Variants in INTS14 observed in about 807,000 individuals in gnomAD.
INTS14 encodes integrator complex subunit 14.
A neutral mutation model predicts 56.9 loss-of-function variants in INTS14; 27 were observed. The ratio of observed to expected loss-of-function variants is 0.47; its 90% CI spans 0.35 to 0.65. INTS14 has a LOEUF of 0.65. INTS14 is among the 30% of genes least tolerant of loss of function. The pLI, the probability that INTS14 is intolerant of heterozygous loss-of-function variation, is 0.00. For missense variants in INTS14, 517 were observed against 632.2 expected, an observed-to-expected ratio of 0.82 and a Z score of 1.95; for synonymous variants, 207 against 236.2, an observed-to-expected ratio of 0.88 and a Z score of 1.13.
chr15:65,604,177 C>A (rs766808158), intron 3 of INTS14, among the ~76,000 whole-genome samples: 4 of 152,084 alleles, frequency 2.6e-5, no homozygotes, highest in Admixed American at 6.5e-5. Flanking sequence ...CTGCCTCCCA[C>A]GTTCAAGTGA....
At chr15:65,581,193 A>G (rs534195733) in intron 11 of INTS14, among the ~76,000 whole-genome samples, 2 of 152,262 alleles carry the variant, frequency 1.3e-5, no homozygotes, top group South Asian at 4.2e-4. Flanking sequence ...CAGCCTGGCC[A>G]ACATGGTGAA....
chr15:65,610,816 A>G, intron 1 of INTS14: 1 of 1,534,120 alleles, frequency 6.5e-7, no homozygotes, highest in Non-Finnish European at 8.7e-7. Context: ...AGTCAAGAAA[A>G]TGTGGGATCT....
intron 6 of INTS14, among the ~76,000 whole-genome samples, chr15:65,597,482 G>T (rs2073255468): frequency 6.6e-6 from 1 of 152,200 alleles, no homozygotes; most frequent in Admixed American, 6.5e-5. Context: ...ACTGCTCCTT[G>T]CTATTTTTGA....
chr15:65,583,099 A>G (rs947086695), intron 10 of INTS14, among the ~76,000 whole-genome samples: 2 of 152,218 alleles, frequency 1.3e-5, no homozygotes, highest in African/African-American at 4.8e-5. Context: ...AGAAATGTAA[A>G]ATGGTGTGGC....
rs778131839 is a variant in INTS14, at chr15:65,599,870, T to G, written c.390A>C (p.Leu130=). 1.9e-6 allele frequency: 3 copies of G among 1,614,092 alleles called. No individual in the cohort carries two copies. The highest frequency in any genetic ancestry group is 2.5e-6 in the Non-Finnish European group (3 of 1,180,030). The change falls in exon 4 of 12, where the codon CTA becomes CTC. Residue 130 remains leucine (L), a synonymous_variant. Transcript: ENST00000313182. The part of the protein sequence containing the change: ...GIGRGSLRHS[L]ATQNQRSESN... ...TCTCACTTCGTTGATTTTGAGTGGCTAGGGAATGTCGCAGTGACCCTCTAC... is the reference window on the plus strand; with the variant it reads ...TCTCACTTCGTTGATTTTGAGTGGCGAGGGAATGTCGCAGTGACCCTCTAC...
intron 1 of INTS14, chr15:65,610,560 C>A: frequency 9.6e-7 from 1 of 1,046,454 alleles, no homozygotes; most frequent in Non-Finnish European, 1.4e-6. Context: ...CCTTGAATAC[C>A]AAGTGTCCAT....
In INTS14 at chr15:65,611,087, T is replaced by TCCCCACTCACCCC; in HGVS notation, c.-65_-63+10dup. On this transcript the variant is annotated intron_variant, in intron 1 of 11. Coordinates refer to ENST00000313182, the MANE Select transcript of INTS14 (RefSeq NM_001394796.1). ...GAAAGGCAGTCCCGGGCCCTCGGCC[T>TCCCCACTCACCCC]CCCCACTCACCCCGTGCCCATCGCC... The TCCCCACTCACCCC allele has an allele frequency of 6.5e-7, 1 of 1,535,654 alleles. No individual in the cohort carries two copies. The highest frequency in any genetic ancestry group is 8.7e-7 in the Non-Finnish European group (1 of 1,146,600).
At chr15:65,595,678 A>G in intron 7 of INTS14, 55 bp downstream of exon 7, 4 of 1,395,044 alleles carry the variant, frequency 2.9e-6, no homozygotes, top group Non-Finnish European at 4.0e-6. Flanking sequence ...CTAAGATTTA[A>G]GAACAACTTT....
intron 7 of INTS14, among the ~76,000 whole-genome samples, chr15:65,595,410 T>C (rs2073176922): frequency 6.6e-6 from 1 of 152,222 alleles, no homozygotes; most frequent in Non-Finnish European, 1.5e-5. Context: ...AGTAACCATC[T>C]GATAACTACT....
intron 9 of INTS14, chr15:65,586,695 A>G (rs1596238617): frequency 6.6e-6 from 1 of 152,344 alleles, no homozygotes; most frequent in East Asian, 1.9e-4. Context: ...AATAAAAGTT[A>G]TAAGATAAAT....
At chr15:65,594,575 T>G (rs1218538561) in intron 7 of INTS14, among the ~76,000 whole-genome samples, 1 of 148,560 alleles carries the variant, frequency 6.7e-6, no homozygotes, top group South Asian at 2.1e-4. Context: ...TTTTTTTTTT[T>G]GTATTTTTAG....
At chr15:65,584,020 A>T (rs1331667775) in intron 10 of INTS14, among the ~76,000 whole-genome samples, 3 of 152,218 alleles carry the variant, frequency 2.0e-5, no homozygotes, top group Non-Finnish European at 4.4e-5. Context: ...GGAAGAACAA[A>T]TGTAAATAAA....
chr15:65,579,510 C>T lies in INTS14; in HGVS notation c.1455G>A (p.Gln485=), dbSNP rs2072504415. 1.2e-6 allele frequency: 2 copies of T among 1,614,126 alleles called. No individual in the cohort carries two copies. The highest frequency in any genetic ancestry group is 2.7e-5 in the African/African-American group (2 of 74,942). The change falls in exon 12 of 12, where the codon CAG becomes CAA. Residue 485 remains glutamine, a synonymous_variant. Transcript: ENST00000313182. Reference sequence around the variant, plus strand: ...AGGTGCCGGTACTGGCCAGCTTGAGCTGCTGGGCAGCATGGGTCAGCTGGA... The same window carrying T: ...AGGTGCCGGTACTGGCCAGCTTGAGTTGCTGGGCAGCATGGGTCAGCTGGA... ...AAFQLTHAAQ[Q]LKLASTGTSE...
chr15:65,593,653 T>C (rs2073110344), intron 7 of INTS14, 81 bp from the exon 8 acceptor site: 4 of 1,514,884 alleles, frequency 2.6e-6, no homozygotes, highest in Admixed American at 2.1e-5. Context: ...TGGATGTTTC[T>C]AGCCTTTAAG....
chr15:65,607,480 GAA>G lies in INTS14; in HGVS notation c.-62-40_-62-39del, dbSNP rs3834547. The G allele has an allele frequency of 2.9e-5, 44 of 1,529,192 alleles. No homozygotes were observed. The East Asian group carries it at 1.1e-3, about 37-fold the overall frequency. 94.7% of individuals were successfully genotyped at this position (1,529,192 alleles called of 1,614,324 possible). On this transcript the variant is annotated intron_variant, in intron 1 of 11. Coordinates refer to ENST00000313182, the MANE Select transcript of INTS14 (RefSeq NM_001394796.1). ...AATACGTTCTTACATGTCATGGAGA[GAA>G]AATAATATTTTTCACCATAACTTTA...
intron 3 of INTS14, among the ~76,000 whole-genome samples, chr15:65,602,564 C>A (rs1050342908): frequency 6.6e-6 from 1 of 152,006 alleles, no homozygotes; most frequent in Non-Finnish European, 1.5e-5. Flanking sequence ...GGATTACAGG[C>A]GTGAGCCGTC....
rs539753533 is a variant in INTS14, at chr15:65,593,480, G to A, written c.934C>T (p.Leu312=). The change falls in exon 8 of 12, where the codon CTG becomes TTG. Residue 312 remains leucine, a synonymous_variant. Coordinates refer to ENST00000313182, the MANE Select transcript of INTS14 (RefSeq NM_001394796.1). Reference sequence around the variant, plus strand: ...TCCACTTTTAGGCTACCATGGAGCAGGACACAAAAGTTGGGTATTTTGCCT... The same window carrying A: ...TCCACTTTTAGGCTACCATGGAGCAAGACACAAAAGTTGGGTATTTTGCCT... ...IAGKIPNFCV[L]LHGSLKVEGM... is the part of the protein sequence containing the mutation. 1.9e-5 allele frequency: 30 copies of A among 1,613,898 alleles called. No individual in the cohort carries two copies. In the South Asian group the frequency reaches 3.1e-4, roughly 17 times the overall value.
intron 9 of INTS14, among the ~76,000 whole-genome samples, chr15:65,591,194 C>T (rs926705673): frequency 4.0e-5 from 6 of 151,694 alleles, no homozygotes; most frequent in African/African-American, 1.2e-4. Context: ...AAGAAAAGTC[C>T]GCCAAAGAAA....
At position 65,595,779 on chromosome 15, in the gene INTS14, G is replaced by T. The variant is rs2073189673; in HGVS notation, c.795C>A (p.Pro265=). The T allele has an allele frequency of 6.2e-7, 1 of 1,609,910 alleles. No individual in the cohort carries two copies. Among genetic ancestry groups the T allele is most frequent in the Non-Finnish European group, 8.5e-7 (1 of 1,178,888 alleles). The change falls in exon 7 of 12, where the codon CCC becomes CCA. Residue 265 remains proline, a synonymous_variant. Transcript: ENST00000313182. The stretch of plus-strand genomic sequence containing the variant: ...AGACCAGATGTCTGGACAGAACTGG[G>T]GGACTTGAAATATCAGCTATATCAA... The part of the protein sequence containing the change: ...GFIDIADISS[P]PVLSRHLVLP...
Sources: allele counts gnomAD v4.1 joint callset (sites outside exome capture counted in the v4.1 genomes callset), GRCh38; gene constraint gnomAD v4.1.1; transcripts MANE v1.5; gene names NCBI Gene and HGNC (gene_info 2026-07-23, HGNC 2026-07-21).